Variants in PRR16 observed in about 807,000 individuals in gnomAD.
PRR16 encodes proline rich 16, also known as protein Largen.
PRR16 carries 6 observed loss-of-function variants against 18.2 expected under a neutral mutation model. The observed-to-expected ratio is 0.33, with a 90% CI of 0.18 to 0.65. The LOEUF is 0.65. PRR16 is among the 30% of genes least tolerant of loss of function. The pLI, the probability that PRR16 is intolerant of heterozygous loss-of-function variation, is 0.74. For missense variants in PRR16, 412 were observed against 376.6 expected (o/e 1.09, Z -0.78); for synonymous variants, 151 against 147.8 (o/e 1.02, Z -0.16).
At chr5:120,635,560 A>G (rs1361413267) in intron 1 of PRR16, among the ~76,000 whole-genome samples, 1 of 152,138 alleles carries the variant, frequency 6.6e-6, no homozygotes, top group Non-Finnish European at 1.5e-5. Context: ...ATGTGACAAA[A>G]TCCAGCATCC....
At chr5:120,734,648 T>A in the PRR16 span, among the ~76,000 whole-genome samples, 1 of 152,166 alleles carries the variant, frequency 6.6e-6, no homozygotes, top group Non-Finnish European at 1.5e-5. Context: ...TCTGACTTTA[T>A]TCCTTTATTA....
At chr5:120,516,684 C>T (rs941420843) in intron 1 of PRR16, among the ~76,000 whole-genome samples, 21 of 151,912 alleles carry the variant, frequency 1.4e-4, no homozygotes, top group African/African-American at 4.1e-4. Flanking sequence ...ATCAAATAAG[C>T]GAAAACGGGA....
intron 1 of PRR16, among the ~76,000 whole-genome samples, chr5:120,512,601 G>A (rs143683507): frequency 9.2e-5 from 14 of 152,294 alleles, no homozygotes; most frequent in African/African-American, 3.1e-4. Context: ...AATTGGGAAT[G>A]TTCGTAAAGA....
At chr5:120,564,857 G>A (rs1352357414) in intron 1 of PRR16, among the ~76,000 whole-genome samples, 1 of 151,922 alleles carries the variant, frequency 6.6e-6, no homozygotes, top group African/African-American at 2.4e-5. Context: ...GTGGTGGCGG[G>A]CGCCTGTAGT....
chr5:120,675,268 A>C (rs2150149779), intron 1 of PRR16, among the ~76,000 whole-genome samples: 1 of 152,288 alleles, frequency 6.6e-6, no homozygotes, highest in Non-Finnish European at 1.5e-5. Flanking sequence ...GCTGCTGTTA[A>C]CCCGTACTCA....
intron 1 of PRR16, among the ~76,000 whole-genome samples, chr5:120,564,119 C>A (rs1164539692): frequency 6.6e-6 from 1 of 152,142 alleles, no homozygotes; most frequent in African/African-American, 2.4e-5. Context: ...GAGCTGCTAT[C>A]CAAGATGGAA....
At chr5:120,491,693 G>A (rs763402956) in intron 1 of PRR16, among the ~76,000 whole-genome samples, 3 of 151,794 alleles carry the variant, frequency 2.0e-5, no homozygotes, top group East Asian at 1.9e-4. Flanking sequence ...ACAGCCACCC[G>A]CCACCACACC....
chr5:120,591,702 C>T (rs1185174667), intron 1 of PRR16, among the ~76,000 whole-genome samples: 3 of 152,062 alleles, frequency 2.0e-5, no homozygotes, highest in African/African-American at 7.2e-5. Flanking sequence ...GAACTAACCT[C>T]ATAGCCTGTG....
the PRR16 span, among the ~76,000 whole-genome samples, chr5:120,721,970 C>T: frequency 6.6e-6 from 1 of 152,084 alleles, no homozygotes; most frequent in East Asian, 1.9e-4. Flanking sequence ...CTTTGCTGCA[C>T]CCATTAAGCT....
At chr5:120,494,457 T>C (rs1296966152) in intron 1 of PRR16, among the ~76,000 whole-genome samples, 1 of 152,100 alleles carries the variant, frequency 6.6e-6, no homozygotes, top group East Asian at 1.9e-4. Flanking sequence ...CATTTTAAAA[T>C]TTGGTTTTTC....
chr5:120,633,936 T>G (rs1157197751), intron 1 of PRR16, among the ~76,000 whole-genome samples: 7 of 151,980 alleles, frequency 4.6e-5, no homozygotes, highest in Non-Finnish European at 1.5e-5. Flanking sequence ...CTACAACAAG[T>G]AGAACTAACA....
At chr5:120,488,057 T>A (rs1749879593) in intron 1 of PRR16, among the ~76,000 whole-genome samples, 1 of 152,232 alleles carries the variant, frequency 6.6e-6, no homozygotes, top group South Asian at 2.1e-4. Context: ...TGCCAGTATT[T>A]TATTGAGGAT....
At chr5:120,713,251 A>G in the PRR16 span, among the ~76,000 whole-genome samples, 1 of 152,152 alleles carries the variant, frequency 6.6e-6, no homozygotes. Context: ...ATACTGCATA[A>G]TTTCACTTAC....
At chr5:120,788,113 C>T in the PRR16 span, among the ~76,000 whole-genome samples, 1 of 151,822 alleles carries the variant, frequency 6.6e-6, no homozygotes, top group East Asian at 1.9e-4. Context: ...GGCTCACTAC[C>T]GCCGTGTTCA....
At chr5:120,592,158 T>C (rs2112776002) in intron 1 of PRR16, among the ~76,000 whole-genome samples, 1 of 152,306 alleles carries the variant, frequency 6.6e-6, no homozygotes, top group South Asian at 2.1e-4. Flanking sequence ...AAAGATGTCA[T>C]ACTACCCTTC....
chr5:120,571,117 G>C (rs1224656180), intron 1 of PRR16, among the ~76,000 whole-genome samples: 1 of 152,144 alleles, frequency 6.6e-6, no homozygotes, highest in Non-Finnish European at 1.5e-5. Flanking sequence ...TTAAAAATGT[G>C]TGCTTTTATA....
At chr5:120,616,429 A>G (rs886455353) in intron 1 of PRR16, among the ~76,000 whole-genome samples, 8 of 151,996 alleles carry the variant, frequency 5.3e-5, no homozygotes, top group African/African-American at 1.9e-4. Flanking sequence ...CTGCTTTAAT[A>G]CCTCCTTTGT....
intron 1 of PRR16, among the ~76,000 whole-genome samples, chr5:120,636,267 GA>G (rs1051364636): frequency 2.0e-5 from 3 of 150,862 alleles, no homozygotes; most frequent in African/African-American, 4.9e-5. Flanking sequence ...CACAAAACTA[GA>G]AAAAAAAATC....
intron 1 of PRR16, among the ~76,000 whole-genome samples, chr5:120,619,510 C>T (rs935223111): frequency 6.6e-6 from 1 of 152,018 alleles, no homozygotes; most frequent in Non-Finnish European, 1.5e-5. Context: ...AGAGCTAGTT[C>T]TGGAGAATTG....
Sources: allele counts gnomAD v4.1 joint callset (sites outside exome capture counted in the v4.1 genomes callset), GRCh38; gene constraint gnomAD v4.1.1; transcripts MANE v1.5; gene names NCBI Gene and HGNC (gene_info 2026-07-23, HGNC 2026-07-21).